PAN3: variants seen among roughly 807,000 people sequenced by gnomAD.
PAN3 encodes poly(A) specific ribonuclease subunit PAN3, also known as PAN2-PAN3 deadenylation complex subunit PAN3.
Under a neutral mutation model 96.2 loss-of-function variants are expected in PAN3, and 19 were observed. The ratio of observed to expected loss-of-function variants is 0.20; its 90% confidence interval spans 0.14 to 0.29. The LOEUF is 0.29. Ranked by LOEUF, PAN3 falls within the 10% of genes least tolerant of loss-of-function variation. The pLI is 1.00. For synonymous variants in PAN3, 433 were observed against 406.6 expected, an observed-to-expected ratio of 1.06 and a Z score of -0.78; for missense variants, 882 against 1,108.1, an observed-to-expected ratio of 0.80 and a Z score of 2.90.
intron 5 of PAN3, among the ~76,000 whole-genome samples, chr13:28,218,025 C>T (rs574959051): frequency 6.6e-5 from 10 of 151,866 alleles, no homozygotes; most frequent in South Asian, 4.2e-4. Flanking sequence ...GTTCTAGTTA[C>T]CAGTTTAGCC....
chr13:28,240,800 G>A (rs1000498855), intron 6 of PAN3, among the ~76,000 whole-genome samples: 1 of 152,136 alleles, frequency 6.6e-6, no homozygotes, highest in Non-Finnish European at 1.5e-5. Flanking sequence ...AGAAGTAAAG[G>A]CTAGTATTAT....
At chr13:28,204,933 C>A (rs369888847) in intron 5 of PAN3, among the ~76,000 whole-genome samples, 25 of 152,194 alleles carry the variant, frequency 1.6e-4, no homozygotes, top group East Asian at 5.8e-4. Flanking sequence ...CATTTGATTT[C>A]ATTGTCTCCT....
intron 6 of PAN3, among the ~76,000 whole-genome samples, chr13:28,251,560 C>G (rs1275456821): frequency 6.6e-6 from 1 of 152,208 alleles, no homozygotes. Context: ...GTTTCCATTT[C>G]TCTTAAGACG....
chr13:28,184,820 A>G (rs909719347), intron 4 of PAN3, among the ~76,000 whole-genome samples: 8 of 151,992 alleles, frequency 5.3e-5, no homozygotes, highest in African/African-American at 1.4e-4. Flanking sequence ...CTCATTTCCT[A>G]TTGGGCTATT....
At chr13:28,274,863 AGAG>A (rs1168119388) in intron 14 of PAN3, among the ~76,000 whole-genome samples, 1 of 152,218 alleles carries the variant, frequency 6.6e-6, no homozygotes, top group African/African-American at 2.4e-5. Flanking sequence ...GTGATTTTAC[AGAG>A]AAGAGGATAC....
chr13:28,215,759 C>G, intron 5 of PAN3: 2 of 1,461,168 alleles, frequency 1.4e-6, no homozygotes, highest in South Asian at 2.3e-5. Flanking sequence ...GCTTCTCAGA[C>G]CATCCTCTTC....
intron 9 of PAN3, among the ~76,000 whole-genome samples, chr13:28,264,976 T>C (rs879320924): frequency 2.0e-5 from 3 of 152,230 alleles, no homozygotes; most frequent in East Asian, 1.9e-4. Context: ...TATTTTTCTC[T>C]AGGCCTCTTG....
chr13:28,273,532 C>T (rs777498531), intron 14 of PAN3, among the ~76,000 whole-genome samples: 4 of 151,722 alleles, frequency 2.6e-5, no homozygotes, highest in Non-Finnish European at 4.4e-5. Context: ...ACCTGGGAGG[C>T]GGAGGTTGCA....
At chr13:28,229,697 A>AT (rs202133411) in intron 6 of PAN3, among the ~76,000 whole-genome samples, 13 of 151,814 alleles carry the variant, frequency 8.6e-5, no homozygotes, top group East Asian at 7.7e-4. Flanking sequence ...TACTTTGATC[A>AT]TTTTTTTTGT....
intron 17 of PAN3, among the ~76,000 whole-genome samples, chr13:28,284,200 A>T (rs1350359720): frequency 1.3e-5 from 2 of 152,194 alleles, no homozygotes; most frequent in African/African-American, 4.8e-5. Flanking sequence ...TGAAAAATTG[A>T]ATTTAAATGC....
chr13:28,247,740 A>G (rs980292927), intron 6 of PAN3, among the ~76,000 whole-genome samples: 1 of 152,132 alleles, frequency 6.6e-6, no homozygotes, highest in Non-Finnish European at 1.5e-5. Flanking sequence ...GCCTATAAAT[A>G]TGTGTATTTA....
Position 28,138,678 on chromosome 13 carries a change from C to T in PAN3, c.21C>T (p.Leu7=). ...TTGCCATGAACAGTGGCGGCGGCCT[C>T]CCGCCCCCCTCGGCCGCCGCCTCCC... is the stretch of plus-strand genomic sequence containing the variant. MNSGGG[L]PPPSAAASPS... The change falls in exon 1 of 19, where the codon CTC becomes CTT. Residue 7 remains leucine, a synonymous_variant. Coordinates refer to ENST00000380958, the MANE Select transcript of PAN3 (RefSeq NM_175854.8). 2.3e-6 allele frequency: 2 copies of T among 885,442 alleles called. No individual in the cohort carries two copies. The highest frequency in any genetic ancestry group is 5.3e-5 in the South Asian group (2 of 37,562). The allele number at this position is 885,442 out of a possible 1,614,324, so 54.8% of individuals were successfully genotyped here.
intron 2 of PAN3, 33 bp from the exon 3 acceptor site, chr13:28,176,460 A>C: frequency 6.4e-7 from 1 of 1,573,438 alleles, no homozygotes; most frequent in Non-Finnish European, 8.7e-7. Context: ...TGTATTCCTC[A>C]GTGATGTTAT....
At chr13:28,251,923 T>C (rs1224284054) in intron 6 of PAN3, among the ~76,000 whole-genome samples, 1 of 152,170 alleles carries the variant, frequency 6.6e-6, no homozygotes, top group Non-Finnish European at 1.5e-5. Flanking sequence ...AGTTTTATTC[T>C]GTTGCCCAGG....
intron 5 of PAN3, chr13:28,215,557 C>G (rs1444156520): frequency 4.2e-6 from 3 of 707,866 alleles, no homozygotes; most frequent in South Asian, 3.4e-5. Flanking sequence ...CTGAACCATT[C>G]AGGCTAAATC....
In PAN3 at chr13:28,265,981, C is replaced by T. The variant is rs562793828; in HGVS notation, c.1412-734C>T. On this transcript the variant is annotated intron_variant, in intron 9 of 18. Transcript: ENST00000380958. The stretch of plus-strand genomic sequence containing the variant: ...CGATCTCCTGACCTCATGATCCACC[C>T]GCCTCGGCCTCCCAAAGTGCTGGGA... Among the ~76,000 whole-genome samples, 2 of 2,214 alleles carry T rather than the reference C, an allele frequency of 9.0e-4. 1 individual carries two copies. Among genetic ancestry groups the T allele is most frequent in the Non-Finnish European group, 1.2e-3 (2 of 1,624 alleles). 1.5% of individuals were successfully genotyped at this position (2,214 alleles called of 152,430 possible).
intron 6 of PAN3, chr13:28,239,972 T>C (rs1321685232): frequency 5.9e-6 from 1 of 170,732 alleles, no homozygotes; most frequent in Non-Finnish European, 1.3e-5. Context: ...TTTTAAAATA[T>C]ATGAGGTTAT....
chr13:28,168,207 T>A (rs1172933306), intron 1 of PAN3, among the ~76,000 whole-genome samples: 2 of 152,192 alleles, frequency 1.3e-5, no homozygotes, highest in Non-Finnish European at 2.9e-5. Flanking sequence ...AAGAAGTGTT[T>A]TGGATTTCAA....
chr13:28,166,062 A>T (rs1446881986), intron 1 of PAN3, among the ~76,000 whole-genome samples: 1 of 152,164 alleles, frequency 6.6e-6, no homozygotes, highest in Non-Finnish European at 1.5e-5. Context: ...CATGCAAAAA[A>T]CATTAATTCT....
Sources: gnomAD v4.1 joint callset for allele counts (sites outside exome capture counted in the v4.1 genomes callset) on GRCh38, gnomAD v4.1.1 for gene constraint, MANE v1.5 for transcripts, NCBI Gene and HGNC (gene_info 2026-07-23, HGNC 2026-07-21) for gene names.